Variants in PDE8B observed in about 807,000 individuals in gnomAD.
PDE8B encodes phosphodiesterase 8B.
PDE8B carries 26 observed loss-of-function variants against 101.3 expected under a neutral mutation model. That is an observed-to-expected ratio of 0.26 (90% CI 0.19 to 0.36). The LOEUF (loss-of-function observed/expected upper bound fraction) is 0.36, where lower values mean the gene tolerates loss of function less well. Ranked by LOEUF, PDE8B falls within the 10% of genes least tolerant of loss-of-function variation. PDE8B has a pLI of 1.00. For missense variants in PDE8B, 810 were observed against 1,163.1 expected, an observed-to-expected ratio of 0.70 and a Z score of 4.42; for synonymous variants, 424 against 429.3, an observed-to-expected ratio of 0.99 and a Z score of 0.15.
the PDE8B span, among the ~76,000 whole-genome samples, chr5:77,110,845 C>A: frequency 6.6e-6 from 1 of 152,230 alleles, no homozygotes. Context: ...TACCATTTTC[C>A]CCTATCCTTC....
intron 10 of PDE8B, among the ~76,000 whole-genome samples, chr5:77,394,633 C>T (rs1180262768): frequency 6.6e-6 from 1 of 152,114 alleles, no homozygotes; most frequent in Non-Finnish European, 1.5e-5. Context: ...TTCTGTAGTA[C>T]TAGGTAGGAA....
chr5:77,173,740 C>G, the PDE8B span, among the ~76,000 whole-genome samples: 1 of 151,034 alleles, frequency 6.6e-6, no homozygotes, highest in Non-Finnish European at 1.5e-5. Flanking sequence ...TTTCTCCCCC[C>G]ATCTCATTTT....
the PDE8B span, among the ~76,000 whole-genome samples, chr5:77,102,033 C>T: frequency 7.1e-4 from 108 of 152,168 alleles, no homozygotes; most frequent in African/African-American, 2.5e-3. Flanking sequence ...GTGTATTTTG[C>T]CACAATAAAG....
chr5:77,391,235 G>GA, intron 10 of PDE8B, among the ~76,000 whole-genome samples: 1 of 152,340 alleles, frequency 6.6e-6, no homozygotes. Flanking sequence ...GGGGTATCTG[G>GA]AAGAGGTACG....
chr5:77,334,625 T>TATTTACTTAATCCCAG (rs1777773576), intron 5 of PDE8B, among the ~76,000 whole-genome samples: 4 of 152,202 alleles, frequency 2.6e-5, no homozygotes, highest in Non-Finnish European at 5.9e-5. Context: ...CAGTTCCCAG[T>TATTTACTTAATCCCAG]GATTTACTTA....
At chr5:77,088,157 T>C in the PDE8B span, 1 of 152,238 alleles carries the variant, frequency 6.6e-6, no homozygotes, top group Admixed American at 6.5e-5. Context: ...GTTCGGTCTC[T>C]GCCTGCTGAA....
chr5:77,394,687 T>G (rs911757367), intron 10 of PDE8B, among the ~76,000 whole-genome samples: 5 of 152,202 alleles, frequency 3.3e-5, no homozygotes, highest in Non-Finnish European at 7.3e-5. Flanking sequence ...TCATAAAACA[T>G]TTAAGGAAAA....
the PDE8B span, chr5:77,114,429 C>A: frequency 6.6e-6 from 1 of 152,094 alleles, no homozygotes. Flanking sequence ...CCAAACACCG[C>A]ATGTTCTCAC....
chr5:77,250,957 A>G (rs1463847588), intron 1 of PDE8B, among the ~76,000 whole-genome samples: 1 of 152,254 alleles, frequency 6.6e-6, no homozygotes, highest in Admixed American at 6.5e-5. Flanking sequence ...ATACTGGACT[A>G]AATAACCATC....
At chr5:77,374,340 G>C (rs769869876) in intron 10 of PDE8B, among the ~76,000 whole-genome samples, 2 of 151,908 alleles carry the variant, frequency 1.3e-5, no homozygotes, top group Non-Finnish European at 1.5e-5. Context: ...CTCTTATTTG[G>C]AATGTTTAGT....
chr5:77,395,958 T>C (rs1441770086), intron 10 of PDE8B, among the ~76,000 whole-genome samples: 2 of 152,248 alleles, frequency 1.3e-5, no homozygotes, highest in African/African-American at 4.8e-5. Context: ...TCCACCAGGC[T>C]GGCTGTTCCC....
chr5:77,258,219 G>A lies in PDE8B; in HGVS notation c.339+46955G>A, dbSNP rs566541150. On this transcript the variant is annotated intron_variant, in intron 1 of 21. Transcript: ENST00000264917. ...CAGGAGAATTGCTTGAACTGGGGAG[G>A]CGGAGGTTGTAGTGAGCCGAGATTG... Among the ~76,000 whole-genome samples the A allele has an allele frequency of 2.6e-5, 4 of 151,144 alleles. No homozygotes were observed. The South Asian group carries it at 8.4e-4, about 32-fold the overall frequency.
chr5:77,424,239 G>T (rs1461685687), intron 20 of PDE8B, among the ~76,000 whole-genome samples: 2 of 152,130 alleles, frequency 1.3e-5, no homozygotes, highest in Non-Finnish European at 2.9e-5. Context: ...AGGACCTGAC[G>T]TACTACTCCT....
intron 1 of PDE8B, among the ~76,000 whole-genome samples, chr5:77,278,879 T>C (rs1232251602): frequency 6.6e-6 from 1 of 152,208 alleles, no homozygotes; most frequent in Admixed American, 6.5e-5. Context: ...CTAGTTTAAG[T>C]TGCTATTTCA....
At chr5:77,344,267 G>A (rs1433257081) in intron 6 of PDE8B, among the ~76,000 whole-genome samples, 2 of 152,190 alleles carry the variant, frequency 1.3e-5, no homozygotes, top group Non-Finnish European at 2.9e-5. Flanking sequence ...TAGTGGGCTT[G>A]TTTACACCAA....
chr5:77,114,651 G>A, the PDE8B span: 4 of 151,946 alleles, frequency 2.6e-5, no homozygotes, highest in East Asian at 3.9e-4. Flanking sequence ...CGCTAGAACC[G>A]AAAGTATATT....
the PDE8B span, among the ~76,000 whole-genome samples, chr5:77,094,463 T>C: frequency 1.3e-5 from 2 of 152,110 alleles, no homozygotes; most frequent in South Asian, 4.2e-4. Context: ...GGCACCACCA[T>C]GCCTGGTTAA....
At chr5:77,226,129 T>C (rs1752346509) in intron 1 of PDE8B, among the ~76,000 whole-genome samples, 1 of 152,214 alleles carries the variant, frequency 6.6e-6, no homozygotes, top group African/African-American at 2.4e-5. Context: ...TTCCTTTTGA[T>C]TTGGTCTTCT....
the PDE8B span, among the ~76,000 whole-genome samples, chr5:77,097,199 TC>T: frequency 2.0e-5 from 3 of 152,082 alleles, no homozygotes; most frequent in Admixed American, 2.0e-4. Flanking sequence ...GAAAAGCCTG[TC>T]CCCTAAAATT....
Sources: allele counts gnomAD v4.1 joint callset (sites outside exome capture counted in the v4.1 genomes callset), GRCh38; gene constraint gnomAD v4.1.1; transcripts MANE v1.5; gene names NCBI Gene and HGNC (gene_info 2026-07-23, HGNC 2026-07-21).